The following LMBR1 variants were observed in gnomAD, a reference collection of about 807,000 sequenced individuals.
LMBR1 encodes the protein limb region 1 protein homolog.
Under a neutral mutation model 73.9 loss-of-function variants are expected in LMBR1, and 52 were observed. The ratio of observed to expected loss-of-function variants is 0.70; its 90% CI spans 0.56 to 0.89. The LOEUF is 0.89. Ranked by LOEUF, LMBR1 falls within the 40% of genes least tolerant of loss-of-function variation. LMBR1 has a pLI of 0.00. For missense variants in LMBR1, 539 were observed against 579.8 expected, an observed-to-expected ratio of 0.93 and a Z score of 0.72; for synonymous variants, 215 against 209.4, an observed-to-expected ratio of 1.03 and a Z score of -0.23.
intron 15 of LMBR1, among the ~76,000 whole-genome samples, chr7:156,703,632 C>T (rs1810275294): frequency 6.6e-6 from 1 of 152,174 alleles, no homozygotes; most frequent in Non-Finnish European, 1.5e-5. Flanking sequence ...TAGGCTGAGA[C>T]CCTGGCATAG....
At chr7:156,877,641 T>C (rs993883096) in intron 1 of LMBR1, among the ~76,000 whole-genome samples, 29 of 151,998 alleles carry the variant, frequency 1.9e-4, no homozygotes, top group Non-Finnish European at 4.0e-4. Flanking sequence ...CCCAGCACGT[T>C]GGGAGGCCGA....
chr7:156,804,149 T>C (rs1157082658), intron 4 of LMBR1, among the ~76,000 whole-genome samples: 1 of 151,978 alleles, frequency 6.6e-6, no homozygotes, highest in African/African-American at 2.4e-5. Flanking sequence ...AGAATAATAA[T>C]AAAATAAAAT....
At chr7:156,890,229 CAAT>C (rs1802651651) in intron 1 of LMBR1, among the ~76,000 whole-genome samples, 2 of 151,940 alleles carry the variant, frequency 1.3e-5, no homozygotes, top group African/African-American at 4.8e-5. Flanking sequence ...AAGAGTAATT[CAAT>C]AAAGCATTTA....
At chr7:156,819,493 T>G (rs1438165600) in intron 4 of LMBR1, among the ~76,000 whole-genome samples, 1 of 152,184 alleles carries the variant, frequency 6.6e-6, no homozygotes, top group Non-Finnish European at 1.5e-5. Flanking sequence ...AATCAATATT[T>G]ATTGAACACT....
At chr7:156,797,846 T>C (rs990336097) in intron 4 of LMBR1, among the ~76,000 whole-genome samples, 1 of 152,228 alleles carries the variant, frequency 6.6e-6, no homozygotes, top group Non-Finnish European at 1.5e-5. Context: ...CATTTATCTT[T>C]GTAGAAAGTA....
chr7:156,674,484 G>A (rs1394799295), downstream of LMBR1, among the ~76,000 whole-genome samples: 2 of 152,144 alleles, frequency 1.3e-5, no homozygotes, highest in African/African-American at 4.8e-5. Flanking sequence ...CTCTTCACAT[G>A]TACTAAAAAG....
chr7:156,800,151 A>AAAC (rs924487238), intron 4 of LMBR1, among the ~76,000 whole-genome samples: 4 of 152,250 alleles, frequency 2.6e-5, no homozygotes, highest in African/African-American at 9.6e-5. Context: ...TGGCTGCACA[A>AAAC]AACAACAGAT....
chr7:156,873,702 G>A (rs1456396412), intron 1 of LMBR1, among the ~76,000 whole-genome samples: 3 of 151,596 alleles, frequency 2.0e-5, no homozygotes, highest in Non-Finnish European at 2.9e-5. Context: ...ACAGAGTGTC[G>A]ATTGGTGCAT....
intron 1 of LMBR1, among the ~76,000 whole-genome samples, chr7:156,862,745 G>C (rs1390557861): frequency 6.6e-6 from 1 of 152,210 alleles, no homozygotes; most frequent in Non-Finnish European, 1.5e-5. Context: ...ATGTGGTTGG[G>C]CCTCATCCAA....
intron 14 of LMBR1, among the ~76,000 whole-genome samples, chr7:156,725,005 A>C (rs1815422747): frequency 6.6e-6 from 1 of 152,284 alleles, no homozygotes; most frequent in African/African-American, 2.4e-5. Flanking sequence ...CAGACTACAA[A>C]ATGTTTCTGA....
At chr7:156,793,697 T>C (rs576597788) in intron 5 of LMBR1, among the ~76,000 whole-genome samples, 17 of 152,314 alleles carry the variant, frequency 1.1e-4, no homozygotes, top group African/African-American at 1.7e-4. Flanking sequence ...ATTAGTGATA[T>C]TTTATAGAAT....
At chr7:156,791,771 G>A (rs606231146) in intron 5 of LMBR1, among the ~76,000 whole-genome samples, 3 of 152,280 alleles carry the variant, frequency 2.0e-5, no homozygotes, top group South Asian at 2.1e-4. Flanking sequence ...CGTGTGCTAC[G>A]CTCTGGCCAT....
intron 9 of LMBR1, among the ~76,000 whole-genome samples, chr7:156,745,594 GAAC>G (rs1248668053): frequency 1.3e-5 from 2 of 152,210 alleles, no homozygotes; most frequent in Non-Finnish European, 2.9e-5. Context: ...GGAGGATTCA[GAAC>G]AACAACGCAA....
chr7:156,790,507 A>G (rs1172130213), intron 5 of LMBR1, among the ~76,000 whole-genome samples: 1 of 152,084 alleles, frequency 6.6e-6, no homozygotes, highest in Non-Finnish European at 1.5e-5. Flanking sequence ...ATAAAGAGAC[A>G]ATCTAGCCTT....
intron 1 of LMBR1, among the ~76,000 whole-genome samples, chr7:156,879,663 C>CAAAAAA (rs751353773): frequency 2.2e-5 from 2 of 92,422 alleles, no homozygotes; most frequent in Non-Finnish European, 4.3e-5. Flanking sequence ...GACTCTGTCT[C>CAAAAAA]AAAAAAAAAA....
intron 5 of LMBR1, among the ~76,000 whole-genome samples, chr7:156,779,143 T>C (rs1046972952): frequency 6.6e-6 from 1 of 152,204 alleles, no homozygotes; most frequent in Non-Finnish European, 1.5e-5. Context: ...TGTACTTCCT[T>C]CACCTAGTTT....
At chr7:156,813,668 C>T (rs1172500403) in intron 4 of LMBR1, among the ~76,000 whole-genome samples, 1 of 152,184 alleles carries the variant, frequency 6.6e-6, no homozygotes, top group East Asian at 1.9e-4. Flanking sequence ...TATTCTTTTT[C>T]TCCTTTTCCC....
intron 10 of LMBR1, among the ~76,000 whole-genome samples, chr7:156,732,964 C>T (rs930046598): frequency 1.3e-5 from 2 of 152,034 alleles, no homozygotes; most frequent in Non-Finnish European, 1.5e-5. Flanking sequence ...GCCAACATGG[C>T]AAAACCCCAA....
intron 15 of LMBR1, among the ~76,000 whole-genome samples, chr7:156,696,173 C>T (rs1237526085): frequency 2.6e-5 from 4 of 152,264 alleles, no homozygotes; most frequent in South Asian, 2.1e-4. Flanking sequence ...TAGATTATGA[C>T]ATCAAAAGCA....
Sources: allele counts gnomAD v4.1 joint callset (sites outside exome capture counted in the v4.1 genomes callset), GRCh38; gene constraint gnomAD v4.1.1; transcripts MANE v1.5; gene names NCBI Gene and HGNC (gene_info 2026-07-23, HGNC 2026-07-21).